Variants in FAM76A observed in about 807,000 individuals in gnomAD.
FAM76A encodes family with sequence similarity 76 member A.
A neutral mutation model predicts 46.2 loss-of-function variants in FAM76A; 32 were observed. The observed-to-expected ratio is 0.69, with a 90% CI of 0.52 to 0.93. The LOEUF (loss-of-function observed/expected upper bound fraction) is 0.93. Among genes scored for constraint, FAM76A ranks in the 40% least tolerant of loss-of-function variants. The pLI is 0.00. For synonymous variants in FAM76A, 137 were observed against 127.0 expected, an observed-to-expected ratio of 1.08 and a Z score of -0.53; for missense variants, 274 against 361.5, an observed-to-expected ratio of 0.76 and a Z score of 1.96.
intron 5 of FAM76A, among the ~76,000 whole-genome samples, chr1:27,748,132 T>G (rs983522657): frequency 1.2e-4 from 17 of 142,996 alleles, no homozygotes; most frequent in African/African-American, 2.4e-4. Context: ...TTTTTTTTTT[T>G]TTTTTTTTTT....
chr1:27,726,715 G>A (rs1324532005), intron 1 of FAM76A, among the ~76,000 whole-genome samples: 2 of 151,916 alleles, frequency 1.3e-5, no homozygotes, highest in Non-Finnish European at 2.9e-5. Flanking sequence ...AAGCCCCACA[G>A]TCAGGCTCAC....
intron 5 of FAM76A, among the ~76,000 whole-genome samples, chr1:27,748,524 T>G (rs2088282099): frequency 7.5e-6 from 1 of 133,870 alleles, no homozygotes; most frequent in Non-Finnish European, 1.6e-5. Context: ...GTGCAGTGGA[T>G]TGCTGGGAGT....
chr1:27,757,188 CTT>C (rs1182814614), intron 7 of FAM76A, among the ~76,000 whole-genome samples: 23 of 81,604 alleles, frequency 2.8e-4, no homozygotes, highest in African/African-American at 1.2e-3. Context: ...CTCATTTATT[CTT>C]TTTTTTTTTT....
rs891783891 is a variant in FAM76A at position 27,733,622 on chromosome 1, C to T, written c.202-409C>T. 7.9e-5 allele frequency among the ~76,000 whole-genome samples: 12 copies of T among 151,814 alleles called. No homozygotes were observed. The East Asian group carries it at 1.9e-3, about 25-fold the overall frequency. On this transcript the variant is annotated intron_variant, in intron 3 of 8. Transcript: ENST00000373954. Reference sequence around the variant, plus strand: ...CAGCACATTGGGAGGCTGAGGCAGGCGGATCACCTGAGGTCAGGAGTTCTA... The same window carrying T: ...CAGCACATTGGGAGGCTGAGGCAGGTGGATCACCTGAGGTCAGGAGTTCTA...
intron 4 of FAM76A, among the ~76,000 whole-genome samples, chr1:27,741,201 T>G (rs1283206606): frequency 6.8e-6 from 1 of 147,542 alleles, no homozygotes; most frequent in Non-Finnish European, 1.5e-5. Context: ...TGATTTTTTT[T>G]TTTTTTTTTT....
chr1:27,760,095 A>G, intron 8 of FAM76A: 1 of 419,290 alleles, frequency 2.4e-6, no homozygotes, highest in Non-Finnish European at 4.7e-6. Context: ...GTATTGTTTC[A>G]CTCTTGGATG....
At chr1:27,755,562 A>G (rs1055204103) in intron 7 of FAM76A, among the ~76,000 whole-genome samples, 4 of 152,110 alleles carry the variant, frequency 2.6e-5, no homozygotes, top group Admixed American at 1.3e-4. Flanking sequence ...CACTTCTCAA[A>G]GAGGACATTT....
intron 2 of FAM76A, among the ~76,000 whole-genome samples, chr1:27,729,395 G>A (rs2179103): frequency 0.14 from 20,520 of 151,524 alleles, 3,491 homozygotes; most frequent in African/African-American, 0.39. Context: ...CTTTAGTAGA[G>A]ACAGGGGTCT....
At chr1:27,759,059 T>C (rs1276607356) in intron 7 of FAM76A, among the ~76,000 whole-genome samples, 1 of 152,128 alleles carries the variant, frequency 6.6e-6, no homozygotes, top group Admixed American at 6.6e-5. Flanking sequence ...ACATCACCTC[T>C]GATTTAGAAT....
intron 5 of FAM76A, 36 bp downstream of exon 5, chr1:27,744,847 C>T (rs377660883): frequency 1.9e-5 from 31 of 1,593,950 alleles, no homozygotes; most frequent in Non-Finnish European, 2.7e-5. Context: ...ACTAGAAGTG[C>T]TGGTAGGTCA....
At chr1:27,757,496 T>C (rs2088431339) in intron 7 of FAM76A, among the ~76,000 whole-genome samples, 1 of 152,092 alleles carries the variant, frequency 6.6e-6, no homozygotes, top group Non-Finnish European at 1.5e-5. Flanking sequence ...GCCTCCCGAG[T>C]AGCTCGGATT....
intron 2 of FAM76A, among the ~76,000 whole-genome samples, chr1:27,727,800 ATTTTTTTTTTTTTTTT>A (rs10716346): frequency 1.5e-5 from 1 of 64,560 alleles, no homozygotes; most frequent in East Asian, 4.1e-4. Context: ...GATTGCTTAA[ATTTTTTTTTTTTTTTT>A]TTTTTTTTTG....
In FAM76A at chr1:27,756,458, T is replaced by C. The variant is rs574896733; in HGVS notation, c.735+1128T>C. 1.4e-4 allele frequency among the ~76,000 whole-genome samples: 21 copies of C among 152,062 alleles called. No individual in the cohort carries two copies. The East Asian group carries it at 4.1e-3, about 30-fold the overall frequency. ...GGTGCCTGCCACCATGCCTGGCTAA[T>C]TTTTCTATTTTCAGTAGAGATGGGG... On this transcript the variant is annotated intron_variant, in intron 7 of 8. Transcript: ENST00000373954.
At chr1:27,746,964 C>T (rs1293116699) in intron 5 of FAM76A, among the ~76,000 whole-genome samples, 1 of 152,026 alleles carries the variant, frequency 6.6e-6, no homozygotes, top group East Asian at 1.9e-4. Flanking sequence ...GTCCCAGCTA[C>T]TTGGGTGGCT....
intron 5 of FAM76A, among the ~76,000 whole-genome samples, chr1:27,745,301 G>A (rs2088224053): frequency 6.6e-6 from 1 of 152,042 alleles, no homozygotes; most frequent in Admixed American, 6.6e-5. Flanking sequence ...CAGGTTCTCT[G>A]CGGGGATCTT....
intron 2 of FAM76A, among the ~76,000 whole-genome samples, chr1:27,728,543 G>A (rs1311270332): frequency 1.3e-5 from 2 of 151,902 alleles, no homozygotes; most frequent in Non-Finnish European, 2.9e-5. Flanking sequence ...GTAGAGATAA[G>A]ATTTTGCCAT....
Position 27,759,588 on chromosome 1 carries a change from G to C in FAM76A, c.798G>C (p.Gln266His). The C allele has an allele frequency of 6.2e-7, 1 of 1,613,860 alleles. No homozygotes were observed. Residue 266 changes from glutamine to histidine, a missense_variant, in exon 8 of 9, where the codon CAG becomes CAC. Gln to His is a conservative substitution (Grantham distance 24). Transcript: ENST00000373954. ...QESQMRAKMNQMEKTHKEVTE... is the reference protein window; with the variant it reads ...QESQMRAKMNHMEKTHKEVTE... ...CGCAGATGAGAGCCAAAATGAACCA[G>C]ATGGAGAAAACCCACAAAGAAGTCA...
chr1:27,744,639 C>T lies in FAM76A; in HGVS notation c.355-15C>T, dbSNP rs1473150567. On this transcript the variant is annotated splice_polypyrimidine_tract_variant and intron_variant, in intron 4 of 8. Transcript: ENST00000373954. ...TAAATTCCCTCTTCTTTATCTTTGT[C>T]TCCTTGTCTTTCAGGTAGATGGGAA... is the stretch of plus-strand genomic sequence containing the variant. 3.7e-6 allele frequency: 6 copies of T among 1,613,032 alleles called. No individual in the cohort carries two copies. The highest frequency in any genetic ancestry group is 5.1e-6 in the Non-Finnish European group (6 of 1,179,322).
intron 2 of FAM76A, among the ~76,000 whole-genome samples, chr1:27,732,039 C>T (rs888382100): frequency 6.6e-6 from 1 of 152,150 alleles, no homozygotes; most frequent in Non-Finnish European, 1.5e-5. Context: ...CTGGGCTGGT[C>T]TCGGACTCCT....
Sources: gnomAD v4.1 joint callset for allele counts (sites outside exome capture counted in the v4.1 genomes callset) on GRCh38, gnomAD v4.1.1 for gene constraint, MANE v1.5 for transcripts, NCBI Gene and HGNC (gene_info 2026-07-23, HGNC 2026-07-21) for gene names.